Variants in TSPAN12 observed in about 807,000 individuals in gnomAD.
The protein encoded by TSPAN12 is tetraspanin 12, also known as tetraspanin-12.
A neutral mutation model predicts 39.2 loss-of-function variants in TSPAN12; 19 were observed. The ratio of observed to expected loss-of-function variants is 0.49; its 90% CI spans 0.34 to 0.71. TSPAN12 has a LOEUF of 0.71. Ranked by LOEUF, TSPAN12 falls within the 30% of genes least tolerant of loss-of-function variation. The pLI, the probability that TSPAN12 is intolerant of heterozygous loss-of-function variation, is 0.01. For missense variants in TSPAN12, 314 were observed against 359.9 expected (o/e 0.87, Z 1.03); for synonymous variants, 119 against 124.8 (o/e 0.95, Z 0.31).
At chr7:120,792,826 G>A (rs1793557658) in intron 7 of TSPAN12, among the ~76,000 whole-genome samples, 1 of 152,202 alleles carries the variant, frequency 6.6e-6, no homozygotes. Context: ...TATTTAAAAT[G>A]TCCTGTTCTC....
At chr7:120,830,695 G>A (rs538805719) in intron 4 of TSPAN12, among the ~76,000 whole-genome samples, 2 of 152,106 alleles carry the variant, frequency 1.3e-5, no homozygotes, top group East Asian at 3.9e-4. Flanking sequence ...AAAACTAGTA[G>A]AAGACAATGC....
chr7:120,798,485 C>T (rs957520515), intron 7 of TSPAN12, among the ~76,000 whole-genome samples: 15 of 152,200 alleles, frequency 9.9e-5, no homozygotes, highest in African/African-American at 2.4e-4. Flanking sequence ...AACTGCCTAC[C>T]GTTGACTATC....
chr7:120,822,967 A>C (rs1298641714), intron 4 of TSPAN12, among the ~76,000 whole-genome samples: 3 of 152,214 alleles, frequency 2.0e-5, no homozygotes, highest in African/African-American at 7.2e-5. Flanking sequence ...GTGTCTTCAA[A>C]ATTCTGAGGA....
At chr7:120,794,494 G>A (rs892226909) in intron 7 of TSPAN12, among the ~76,000 whole-genome samples, 1 of 152,048 alleles carries the variant, frequency 6.6e-6, no homozygotes, top group African/African-American at 2.4e-5. Flanking sequence ...CTCTCTCTCC[G>A]GTTCCTGCTT....
intron 2 of TSPAN12, among the ~76,000 whole-genome samples, chr7:120,848,437 C>T (rs1409036984): frequency 2.0e-5 from 3 of 152,086 alleles, no homozygotes; most frequent in African/African-American, 7.2e-5. Context: ...TTTCATCCTG[C>T]TAGATAAGCT....
chr7:120,830,041 C>G (rs1794362116), intron 4 of TSPAN12, among the ~76,000 whole-genome samples: 1 of 152,066 alleles, frequency 6.6e-6, no homozygotes, highest in South Asian at 2.1e-4. Context: ...TGCTGACATA[C>G]TTTCATGGGG....
intron 4 of TSPAN12, among the ~76,000 whole-genome samples, chr7:120,835,532 G>C (rs922151239): frequency 3.3e-5 from 5 of 152,194 alleles, no homozygotes; most frequent in Admixed American, 6.5e-5. Flanking sequence ...TTTACTAGCT[G>C]TGTAGACTTA....
At chr7:120,795,893 GA>G (rs1008393100) in intron 7 of TSPAN12, among the ~76,000 whole-genome samples, 26 of 152,258 alleles carry the variant, frequency 1.7e-4, no homozygotes, top group African/African-American at 6.3e-4. Flanking sequence ...TCTCTTAGGA[GA>G]ACAGAAAGAT....
rs192299615 is a variant in TSPAN12, at chr7:120,827,535, C to T, written c.285+11242G>A. 1.4e-3 allele frequency among the ~76,000 whole-genome samples: 212 copies of T among 152,148 alleles called. 1 individual carries two copies. Among genetic ancestry groups the T allele is most frequent in the African/African-American group, 4.8e-3 (198 of 41,506 alleles). ...AACAACGATAAAATTATTAAATCAGCGAAGTTGCCAAAACATCAGTAATTC... is the reference window on the plus strand; with the variant it reads ...AACAACGATAAAATTATTAAATCAGTGAAGTTGCCAAAACATCAGTAATTC... On this transcript the variant is annotated intron_variant, in intron 4 of 7. Coordinates refer to ENST00000222747, the MANE Select transcript of TSPAN12 (RefSeq NM_012338.4).
At chr7:120,833,429 G>A (rs1205624340) in intron 4 of TSPAN12, among the ~76,000 whole-genome samples, 1 of 151,414 alleles carries the variant, frequency 6.6e-6, no homozygotes, top group Non-Finnish European at 1.5e-5. Flanking sequence ...AAAAAACAAG[G>A]GGAAATTTCT....
intron 7 of TSPAN12, among the ~76,000 whole-genome samples, chr7:120,803,273 T>C (rs1024778996): frequency 6.6e-6 from 1 of 152,192 alleles, no homozygotes; most frequent in African/African-American, 2.4e-5. Flanking sequence ...GTCTAGTTCC[T>C]GTTCTGAATT....
chr7:120,823,113 T>G (rs1167982552), intron 4 of TSPAN12, among the ~76,000 whole-genome samples: 1 of 152,024 alleles, frequency 6.6e-6, no homozygotes. Context: ...AAGACATGCT[T>G]CCTAAAATGA....
intron 7 of TSPAN12, among the ~76,000 whole-genome samples, chr7:120,792,327 G>A (rs560012648): frequency 2.6e-5 from 4 of 152,290 alleles, no homozygotes; most frequent in East Asian, 3.9e-4. Flanking sequence ...CTTGAAGCTC[G>A]ACTAGGGAAC....
At chr7:120,819,943 A>C (rs1794157583) in intron 4 of TSPAN12, among the ~76,000 whole-genome samples, 1 of 152,192 alleles carries the variant, frequency 6.6e-6, no homozygotes, top group Non-Finnish European at 1.5e-5. Flanking sequence ...GCCCAGAATT[A>C]AACAACAGTT....
chr7:120,816,573 A>G (rs982884146), intron 4 of TSPAN12, among the ~76,000 whole-genome samples: 3 of 152,142 alleles, frequency 2.0e-5, no homozygotes, highest in African/African-American at 7.2e-5. Context: ...GGAACAGGAA[A>G]CAGATCCATC....
chr7:120,857,587 C>T (rs1453574591), intron 1 of TSPAN12, among the ~76,000 whole-genome samples: 1 of 152,116 alleles, frequency 6.6e-6, no homozygotes, highest in Non-Finnish European at 1.5e-5. Flanking sequence ...GCTTCCCCCG[C>T]CCGGGACGCT....
At chr7:120,845,603 T>C (rs1794655882) in intron 2 of TSPAN12, among the ~76,000 whole-genome samples, 1 of 152,208 alleles carries the variant, frequency 6.6e-6, no homozygotes, top group African/African-American at 2.4e-5. Flanking sequence ...GTTCCACAGA[T>C]ACCTAAAGCA....
At chr7:120,807,931 C>T (rs1038421425) in intron 6 of TSPAN12, among the ~76,000 whole-genome samples, 14 of 152,062 alleles carry the variant, frequency 9.2e-5, no homozygotes, top group Non-Finnish European at 1.5e-4. Flanking sequence ...ATAAACATCA[C>T]AAATTTAGTC....
chr7:120,852,458 G>A (rs1490103555), intron 2 of TSPAN12, among the ~76,000 whole-genome samples: 2 of 152,202 alleles, frequency 1.3e-5, no homozygotes, highest in African/African-American at 2.4e-5. Context: ...ATTCCCATGA[G>A]AACTAAAAGC....
Sources: gnomAD v4.1 joint callset for allele counts (sites outside exome capture counted in the v4.1 genomes callset) on GRCh38, gnomAD v4.1.1 for gene constraint, MANE v1.5 for transcripts, NCBI Gene and HGNC (gene_info 2026-07-23, HGNC 2026-07-21) for gene names.